ACOXL: variants seen among roughly 807,000 people sequenced by gnomAD.
ACOXL encodes acyl-coenzyme A oxidase-like protein.
In ACOXL, 70 loss-of-function variants were observed where a neutral mutation model predicts 71.9. The ratio of observed to expected loss-of-function variants is 0.97; its 90% CI spans 0.80 to 1.19. The LOEUF is 1.19. Among genes scored for constraint, ACOXL ranks in the 50% most tolerant of loss-of-function variants. ACOXL has a pLI of 0.00. For synonymous variants in ACOXL, 253 were observed against 281.6 expected (o/e 0.90, Z 1.02); for missense variants, 703 against 736.3 (o/e 0.95, Z 0.52).
chr2:110,994,572 C>T (rs1420239888), intron 13 of ACOXL, among the ~76,000 whole-genome samples: 1 of 152,098 alleles, frequency 6.6e-6, no homozygotes, highest in Non-Finnish European at 1.5e-5. Flanking sequence ...TGAATTAACC[C>T]TTCCCCTGGT....
intron 9 of ACOXL, among the ~76,000 whole-genome samples, chr2:110,832,041 CATAAA>C (rs1454053280): frequency 2.6e-5 from 4 of 152,004 alleles, no homozygotes; most frequent in Non-Finnish European, 5.9e-5. Context: ...TAAATAAATA[CATAAA>C]ATCATCCAGG....
intron 16 of ACOXL, among the ~76,000 whole-genome samples, chr2:111,084,324 T>C (rs999350600): frequency 2.0e-5 from 3 of 149,190 alleles, no homozygotes; most frequent in African/African-American, 7.5e-5. Flanking sequence ...GTGGAAGGAT[T>C]GTGGGGGAGA....
intron 13 of ACOXL, among the ~76,000 whole-genome samples, chr2:110,992,553 G>T: frequency 6.6e-6 from 1 of 152,188 alleles, no homozygotes; most frequent in East Asian, 1.9e-4. Flanking sequence ...CCTCCAGTGG[G>T]CACCCATTTG....
intron 1 of ACOXL, among the ~76,000 whole-genome samples, chr2:110,734,219 C>T (rs943097826): frequency 1.1e-4 from 17 of 151,746 alleles, no homozygotes; most frequent in African/African-American, 1.7e-4. Context: ...ATTTCTAATA[C>T]GGGAAATATC....
At chr2:110,838,102 C>T (rs573866175) in intron 9 of ACOXL, among the ~76,000 whole-genome samples, 22 of 152,292 alleles carry the variant, frequency 1.4e-4, no homozygotes, top group African/African-American at 5.1e-4. Flanking sequence ...TGTGTATGCA[C>T]CTATATATGA....
At chr2:110,757,793 T>C (rs981803852) in intron 1 of ACOXL, among the ~76,000 whole-genome samples, 1 of 152,128 alleles carries the variant, frequency 6.6e-6, no homozygotes, top group African/African-American at 2.4e-5. Context: ...CTCTGGATAT[T>C]AGACTTTCGT....
intron 10 of ACOXL, among the ~76,000 whole-genome samples, chr2:110,866,119 C>T (rs1467497647): frequency 6.6e-6 from 1 of 152,156 alleles, no homozygotes; most frequent in South Asian, 2.1e-4. Context: ...AGCGTCCAGG[C>T]CTGTGGCGTG....
intron 11 of ACOXL, among the ~76,000 whole-genome samples, chr2:110,919,625 TCCATTCAGTATCAGACAAAATTGTCTA>T (rs1332404065): frequency 6.6e-6 from 1 of 152,198 alleles, no homozygotes; most frequent in Non-Finnish European, 1.5e-5. Flanking sequence ...ACAGAGTTGT[TCCATTCAGTATCAGACAAAATTGTCTA>T]CCACTTCAGT....
chr2:110,969,152 G>T (rs139954855), intron 12 of ACOXL, among the ~76,000 whole-genome samples: 1 of 152,068 alleles, frequency 6.6e-6, no homozygotes, highest in Non-Finnish European at 1.5e-5. Flanking sequence ...ACATCAAAAC[G>T]TATGGGAGGC....
intron 2 of ACOXL, among the ~76,000 whole-genome samples, chr2:110,775,607 A>G (rs1682537076): frequency 6.6e-6 from 1 of 152,224 alleles, no homozygotes; most frequent in Admixed American, 6.5e-5. Context: ...AGTTCTTCAA[A>G]GATAAACAAA....
intron 9 of ACOXL, among the ~76,000 whole-genome samples, chr2:110,839,647 G>A (rs940556593): frequency 1.7e-4 from 26 of 152,306 alleles, no homozygotes; most frequent in African/African-American, 5.1e-4. Context: ...GATGCCTGCA[G>A]TGGTATGCAT....
At chr2:110,954,519 T>C (rs2061430149) in intron 12 of ACOXL, among the ~76,000 whole-genome samples, 1 of 152,196 alleles carries the variant, frequency 6.6e-6, no homozygotes, top group African/African-American at 2.4e-5. Flanking sequence ...CTAGCAATTT[T>C]AACATGCACA....
chr2:111,086,757 A>C (rs1315439238), intron 16 of ACOXL, among the ~76,000 whole-genome samples: 2 of 152,166 alleles, frequency 1.3e-5, no homozygotes, highest in African/African-American at 4.8e-5. Context: ...CAAGACAAGG[A>C]TCCCTTCTCT....
intron 7 of ACOXL, among the ~76,000 whole-genome samples, chr2:110,800,448 G>GT (rs750785598): frequency 2.6e-5 from 4 of 152,066 alleles, no homozygotes; most frequent in Non-Finnish European, 5.9e-5. Flanking sequence ...GATCACATCT[G>GT]TAAAGACTAT....
chr2:110,843,131 G>A (rs1691378443), intron 10 of ACOXL, among the ~76,000 whole-genome samples: 1 of 152,202 alleles, frequency 6.6e-6, no homozygotes, highest in Non-Finnish European at 1.5e-5. Context: ...TTTCTAGAAT[G>A]TTCTCAAGGT....
chr2:110,974,543 C>T (rs1329989511), intron 12 of ACOXL, among the ~76,000 whole-genome samples: 2 of 152,214 alleles, frequency 1.3e-5, no homozygotes, highest in African/African-American at 4.8e-5. Flanking sequence ...TACACTAAGA[C>T]AGGTCCCTTC....
At chr2:110,978,207 G>A (rs566268759) in intron 12 of ACOXL, among the ~76,000 whole-genome samples, 1 of 152,274 alleles carries the variant, frequency 6.6e-6, no homozygotes, top group Non-Finnish European at 1.5e-5. Flanking sequence ...GGCCTCTGGT[G>A]AGAGCTACTC....
intron 9 of ACOXL, among the ~76,000 whole-genome samples, chr2:110,835,273 T>A (rs966162506): frequency 1.4e-4 from 21 of 152,246 alleles, no homozygotes; most frequent in South Asian, 6.2e-4. Context: ...GTTTTTTTTT[T>A]AAATTTAATT....
rs148045046 is a variant in ACOXL at position 111,012,292 on chromosome 2, C to T, written c.1281+16288C>T. ...ATAAATAATTTTTTTGAGGTGCCTA[C>T]TTTTTTTAGACATAACGTTATTGCA... On this transcript the variant is annotated intron_variant, in intron 14 of 17. Transcript: ENST00000439055. Among the ~76,000 whole-genome samples, 142 of 152,236 alleles carry T rather than the reference C, an allele frequency of 9.3e-4. 1 individual carries two copies. Among genetic ancestry groups the T allele is most frequent in the African/African-American group, 3.3e-3 (137 of 41,536 alleles).
Sources: gnomAD v4.1 joint callset for allele counts (sites outside exome capture counted in the v4.1 genomes callset) on GRCh38, gnomAD v4.1.1 for gene constraint, MANE v1.5 for transcripts, NCBI Gene and HGNC (gene_info 2026-07-23, HGNC 2026-07-21) for gene names.